The following OR8A1 variants were observed in gnomAD, a reference collection of about 807,000 sequenced individuals.
OR8A1 encodes the protein olfactory receptor family 8 subfamily A member 1.
In OR8A1, 5 loss-of-function variants were observed where a neutral mutation model predicts 13.4. The observed-to-expected ratio is 0.37, with a 90% CI of 0.19 to 0.78. The LOEUF (loss-of-function observed/expected upper bound fraction) is 0.78. Among genes scored for constraint, OR8A1 ranks in the 30% least tolerant of loss-of-function variants. The probability of loss-of-function intolerance (pLI) is 0.47; values close to 1 mark genes in which losing one functional copy is unlikely to be tolerated. For synonymous variants in OR8A1, 156 were observed against 150.4 expected (o/e 1.04, Z -0.27); for missense variants, 354 against 374.8 (o/e 0.94, Z 0.46).
rs1337189379 is a variant in OR8A1, at chr11:124,570,603, C to G, written c.484C>G (p.Leu162Val). ...CATTGGCTCCACAATAGAAACTGGC[C>G]TCATGTTAAAACTGCCCTATTGTGA... is the stretch of plus-strand genomic sequence containing the variant. ...GLIGSTIETG[L>V]MLKLPYCEHL... The change falls in exon 1 of 1, where the codon CTC (leucine) becomes GTC (valine). Residue 162 changes from leucine to valine, a missense_variant. Coordinates refer to ENST00000284287, the MANE Select transcript of OR8A1 (RefSeq NM_001005194.2). The G allele has an allele frequency of 6.2e-7, 1 of 1,614,084 alleles. No homozygotes were observed. The highest frequency in any genetic ancestry group is 8.5e-7 in the Non-Finnish European group (1 of 1,180,016).
chr11:124,570,248 G>C lies in OR8A1; in HGVS notation c.129G>C (p.Leu43=). The part of the protein sequence containing the change: ...GIYLVTIVGN[L]GMITLICLNS... The stretch of plus-strand genomic sequence containing the variant: ...ACTTGGTCACCATCGTGGGGAACCT[G>C]GGCATGATCACTCTAATTTGTCTGA... Residue 43 remains leucine (L), a synonymous_variant, in exon 1 of 1, where the codon CTG becomes CTC. Transcript: ENST00000284287. 4 of 1,613,950 alleles carry C rather than the reference G, an allele frequency of 2.5e-6. No homozygotes were observed. Among genetic ancestry groups the C allele is most frequent in the Non-Finnish European group, 3.4e-6 (4 of 1,179,972 alleles).
Position 124,570,299 on chromosome 11 carries a change from C to T in OR8A1, c.180C>T (p.Tyr60=), listed in dbSNP as rs1346433558. 1.2e-6 allele frequency: 2 copies of T among 1,614,110 alleles called. No homozygotes were observed. Among genetic ancestry groups the T allele is most frequent in the Admixed American group, 1.7e-5 (1 of 60,004 alleles). The change falls in exon 1 of 1, where the codon TAC becomes TAT. Residue 60 remains tyrosine, a synonymous_variant. Coordinates refer to ENST00000284287, the MANE Select transcript of OR8A1 (RefSeq NM_001005194.2). ...CLNSQLHTPM[Y]YFLSNLSLMD... ...ACTCTCAGCTGCACACCCCCATGTA[C>T]TACTTTCTCAGCAATCTGTCACTCA... is the stretch of plus-strand genomic sequence containing the variant.
chr11:124,570,787 G>A lies in OR8A1; in HGVS notation c.668G>A (p.Ser223Asn), dbSNP rs1862672488. ...VLVSYTFILSSILGISTTEGR... is the reference protein window; with the variant it reads ...VLVSYTFILSNILGISTTEGR... ...GTTTCTTACACCTTCATTCTCTCCAGCATCCTCGGCATCAGCACCACAGAG... is the reference window on the plus strand; with the variant it reads ...GTTTCTTACACCTTCATTCTCTCCAACATCCTCGGCATCAGCACCACAGAG... Residue 223 changes from serine (S) to asparagine (N), a missense_variant, in exon 1 of 1, where the codon AGC (serine) becomes AAC (asparagine). Ser to Asn is a conservative substitution (Grantham distance 46). Transcript: ENST00000284287. 1 of 1,613,912 alleles carries A rather than the reference G, an allele frequency of 6.2e-7. No individual in the cohort carries two copies.
rs1862678050 is a variant in OR8A1, at chr11:124,570,972, A to G, written c.853A>G (p.Asn285Asp). The G allele has an allele frequency of 6.2e-7, 1 of 1,614,060 alleles. No homozygotes were observed. The highest frequency in any genetic ancestry group is 1.3e-5 in the African/African-American group (1 of 75,026). The change falls in exon 1 of 1, where the codon AAT (asparagine) becomes GAT (aspartate). Residue 285 changes from asparagine (N) to aspartate (D), a missense_variant. Physicochemically the swap from Asn to Asp is conservative, Grantham distance 23. Transcript: ENST00000284287. Reference sequence around the variant, plus strand: ...CTACACCACGGTAATCCCCATGTTGAATCCCCTAATCTACAGCCTGAGGAA... The same window carrying G: ...CTACACCACGGTAATCCCCATGTTGGATCCCCTAATCTACAGCCTGAGGAA... ...VFYTTVIPML[N>D]PLIYSLRNKE...
At position 124,570,215 on chromosome 11, in the gene OR8A1, C is replaced by G. The variant is rs775487953; in HGVS notation, c.96C>G (p.Leu32=). The change falls in exon 1 of 1, where the codon CTC becomes CTG. Residue 32 remains leucine, a synonymous_variant. Transcript: ENST00000284287. ...DLQLPLFLLF[L]GIYLVTIVGN... The stretch of plus-strand genomic sequence containing the variant: ...AGCTCCCCCTCTTTCTCCTCTTCCT[C>G]GGGATCTACTTGGTCACCATCGTGG... The G allele has an allele frequency of 2.5e-6, 4 of 1,614,048 alleles. No individual in the cohort carries two copies. The highest frequency in any genetic ancestry group is 3.4e-6 in the Non-Finnish European group (4 of 1,179,998).
Position 124,571,016 on chromosome 11 carries a change from C to G in OR8A1, c.897C>G (p.Ala299=). ...TGAGGAACAAGGAAGTAAAGGCTGC[C>G]GTGCAGAAAACGCTGAGGGGTAAAC... ...YSLRNKEVKA[A]VQKTLRGKLF Residue 299 remains alanine (A), a synonymous_variant, in exon 1 of 1, where the codon GCC becomes GCG. Transcript: ENST00000284287. The G allele has an allele frequency of 1.9e-6, 3 of 1,613,168 alleles. No homozygotes were observed. Among genetic ancestry groups the G allele is most frequent in the Non-Finnish European group, 2.5e-6 (3 of 1,179,614 alleles).
At position 124,570,804 on chromosome 11, in the gene OR8A1, A is replaced by C; in HGVS notation, c.685A>C (p.Thr229Pro). Reference sequence around the variant, plus strand: ...TCTCTCCAGCATCCTCGGCATCAGCACCACAGAGGGGAGATCCAAAGCCTT... The same window carrying C: ...TCTCTCCAGCATCCTCGGCATCAGCCCCACAGAGGGGAGATCCAAAGCCTT... Reference protein sequence around the residue: ...FILSSILGISTTEGRSKAFST... With the variant: ...FILSSILGISPTEGRSKAFST... The change falls in exon 1 of 1, where the codon ACC (threonine) becomes CCC (proline). Residue 229 changes from threonine (T) to proline (P), a missense_variant. Physicochemically the swap from Thr to Pro is conservative, Grantham distance 38. Coordinates refer to ENST00000284287, the MANE Select transcript of OR8A1 (RefSeq NM_001005194.2). 6.2e-7 allele frequency: 1 copy of C among 1,614,084 alleles called. No homozygotes were observed. Among genetic ancestry groups the C allele is most frequent in the South Asian group, 1.1e-5 (1 of 91,070 alleles).
chr11:124,570,658 T>A lies in OR8A1; in HGVS notation c.539T>A (p.Ile180Asn), dbSNP rs1178562085. Residue 180 changes from isoleucine to asparagine, a missense_variant, in exon 1 of 1, where the codon ATC becomes AAC. Transcript: ENST00000284287. ...CTCATCAGTCACTACTTCTGTGACA[T>A]CCTCCCTCTCATGAAGCTGTCCTGC... ...EHLISHYFCDILPLMKLSCSS... is the reference protein window; with the variant it reads ...EHLISHYFCDNLPLMKLSCSS... The A allele has an allele frequency of 6.2e-7, 1 of 1,614,120 alleles. No homozygotes were observed.
At position 124,570,923 on chromosome 11, in the gene OR8A1, C is replaced by T. The variant is rs142548119; in HGVS notation, c.804C>T (p.Thr268=). 1 of 1,614,012 alleles carries T rather than the reference C, an allele frequency of 6.2e-7. No homozygotes were observed. Among genetic ancestry groups the T allele is most frequent in the South Asian group, 1.1e-5 (1 of 91,076 alleles). ...AACCCTCCACAATCAGTTCCTTGAC[C>T]CAGGAGAATGTGGCCTCTGTGTTCT... ...YLKPSTISSL[T]QENVASVFYT... The change falls in exon 1 of 1, where the codon ACC becomes ACT. Residue 268 remains threonine, a synonymous_variant. Transcript: ENST00000284287.
Position 124,570,277 on chromosome 11 carries a change from C to G in OR8A1, c.158C>G (p.Ser53Cys). Reference protein sequence around the residue: ...LGMITLICLNSQLHTPMYYFL... With the variant: ...LGMITLICLNCQLHTPMYYFL... ...ATGATCACTCTAATTTGTCTGAACT[C>G]TCAGCTGCACACCCCCATGTACTAC... is the stretch of plus-strand genomic sequence containing the variant. Residue 53 changes from serine (S) to cysteine (C), a missense_variant, in exon 1 of 1, where the codon TCT becomes TGT. Physicochemically the swap from Ser to Cys is moderately radical, Grantham distance 112. Coordinates refer to ENST00000284287, the MANE Select transcript of OR8A1 (RefSeq NM_001005194.2). 6.2e-7 allele frequency: 1 copy of G among 1,614,072 alleles called. No homozygotes were observed.
In OR8A1 at chr11:124,570,807, A is replaced by C; in HGVS notation, c.688A>C (p.Thr230Pro). Reference sequence around the variant, plus strand: ...CTCCAGCATCCTCGGCATCAGCACCACAGAGGGGAGATCCAAAGCCTTCAG... The same window carrying C: ...CTCCAGCATCCTCGGCATCAGCACCCCAGAGGGGAGATCCAAAGCCTTCAG... ...ILSSILGIST[T>P]EGRSKAFSTC... is the part of the protein sequence containing the mutation. The change falls in exon 1 of 1, where the codon ACA becomes CCA. Residue 230 changes from threonine (T) to proline (P), a missense_variant. By Grantham distance (38) the Thr-to-Pro change is conservative. Coordinates refer to ENST00000284287, the MANE Select transcript of OR8A1 (RefSeq NM_001005194.2). 6.2e-7 allele frequency: 1 copy of C among 1,614,110 alleles called. No homozygotes were observed. Among genetic ancestry groups the C allele is most frequent in the Non-Finnish European group, 8.5e-7 (1 of 1,180,012 alleles).
rs1024594910 is a variant in OR8A1, at chr11:124,570,144, G to C, written c.25G>C (p.Val9Leu). 3 of 1,613,944 alleles carry C rather than the reference G, an allele frequency of 1.9e-6. No individual in the cohort carries two copies. The highest frequency in any genetic ancestry group is 1.7e-6 in the Non-Finnish European group (2 of 1,179,934). ...AATGGCTGCAGGAAATCACTCTACA[G>C]TGACAGAGTTCATTCTCAAGGGTTT... is the stretch of plus-strand genomic sequence containing the variant. Reference protein sequence around the residue: MAAGNHSTVTEFILKGLTK... With the variant: MAAGNHSTLTEFILKGLTK... The change falls in exon 1 of 1, where the codon GTG becomes CTG. Residue 9 changes from valine (V) to leucine (L), a missense_variant. Val to Leu is a conservative substitution (Grantham distance 32). Transcript: ENST00000284287.
Position 124,570,480 on chromosome 11 carries a change from G to A in OR8A1, c.361G>A (p.Asp121Asn), listed in dbSNP as rs1862665141. The change falls in exon 1 of 1, where the codon GAC (aspartate) becomes AAC (asparagine). Residue 121 changes from aspartate to asparagine, a missense_variant. Transcript: ENST00000284287. ...TTACATGCTGACAGTGATGGCCTACGACCGCTATGTTGCCATCTGCCACCC... is the reference window on the plus strand; with the variant it reads ...TTACATGCTGACAGTGATGGCCTACAACCGCTATGTTGCCATCTGCCACCC... ...ECYMLTVMAYDRYVAICHPLL... is the reference protein window; with the variant it reads ...ECYMLTVMAYNRYVAICHPLL... 5 of 1,613,948 alleles carry A rather than the reference G, an allele frequency of 3.1e-6. No individual in the cohort carries two copies. Among genetic ancestry groups the A allele is most frequent in the African/African-American group, 2.7e-5 (2 of 74,992 alleles).
At position 124,570,757 on chromosome 11, in the gene OR8A1, T is replaced by C; in HGVS notation, c.638T>C (p.Val213Ala). ...GFNIIVTSLTVLVSYTFILSS... is the reference protein window; with the variant it reads ...GFNIIVTSLTALVSYTFILSS... ...AACATCATAGTCACGAGCTTAACAG[T>C]TCTTGTTTCTTACACCTTCATTCTC... The change falls in exon 1 of 1, where the codon GTT becomes GCT. Residue 213 changes from valine (V) to alanine (A), a missense_variant. By Grantham distance (64) the Val-to-Ala change is moderately conservative. Coordinates refer to ENST00000284287, the MANE Select transcript of OR8A1 (RefSeq NM_001005194.2). The C allele has an allele frequency of 6.2e-7, 1 of 1,614,106 alleles. No homozygotes were observed. Among genetic ancestry groups the C allele is most frequent in the Non-Finnish European group, 8.5e-7 (1 of 1,180,018 alleles).
rs141835805 is a variant in OR8A1 at position 124,570,217 on chromosome 11, G to T, written c.98G>T (p.Gly33Val). The stretch of plus-strand genomic sequence containing the variant: ...CTCCCCCTCTTTCTCCTCTTCCTCG[G>T]GATCTACTTGGTCACCATCGTGGGG... ...LQLPLFLLFL[G>V]IYLVTIVGNL... The change falls in exon 1 of 1, where the codon GGG (glycine) becomes GTG (valine). Residue 33 changes from glycine to valine, a missense_variant. Physicochemically the swap from Gly to Val is moderately radical, Grantham distance 109. Coordinates refer to ENST00000284287, the MANE Select transcript of OR8A1 (RefSeq NM_001005194.2). 45 of 1,613,778 alleles carry T rather than the reference G, an allele frequency of 2.8e-5. No individual in the cohort carries two copies. Among genetic ancestry groups the T allele is most frequent in the Non-Finnish European group, 3.7e-5 (44 of 1,179,994 alleles).
chr11:124,570,439 T>C lies in OR8A1; in HGVS notation c.320T>C (p.Phe107Ser), dbSNP rs1422544467. ...TCACAGCTCTACTTCTTCCTTGTTTTTGTCATTGCTGAGTGTTACATGCTG... is the reference window on the plus strand; with the variant it reads ...TCACAGCTCTACTTCTTCCTTGTTTCTGTCATTGCTGAGTGTTACATGCTG... ...CMSQLYFFLV[F>S]VIAECYMLTV... Residue 107 changes from phenylalanine to serine, a missense_variant, in exon 1 of 1, where the codon TTT (phenylalanine) becomes TCT (serine). Phe to Ser is a radical substitution (Grantham distance 155). Transcript: ENST00000284287. 1.9e-6 allele frequency: 3 copies of C among 1,614,128 alleles called. No homozygotes were observed. Among genetic ancestry groups the C allele is most frequent in the Non-Finnish European group, 2.5e-6 (3 of 1,180,006 alleles).
Position 124,570,892 on chromosome 11 carries a change from A to T in OR8A1, c.773A>T (p.Tyr258Phe). 1.2e-6 allele frequency: 2 copies of T among 1,614,122 alleles called. No individual in the cohort carries two copies. Among genetic ancestry groups the T allele is most frequent in the Non-Finnish European group, 1.7e-6 (2 of 1,179,996 alleles). The change falls in exon 1 of 1, where the codon TAC becomes TTC. Residue 258 changes from tyrosine (Y) to phenylalanine (F), a missense_variant. Transcript: ENST00000284287. ...GMFYGSTAFM[Y>F]LKPSTISSLT... ...TTCTATGGATCAACTGCATTCATGT[A>T]CTTAAAACCCTCCACAATCAGTTCC...
In OR8A1 at chr11:124,570,519, A is replaced by T; in HGVS notation, c.400A>T (p.Ile134Phe). 1.2e-6 allele frequency: 2 copies of T among 1,613,992 alleles called. No individual in the cohort carries two copies. The highest frequency in any genetic ancestry group is 8.5e-7 in the Non-Finnish European group (1 of 1,179,988). The change falls in exon 1 of 1, where the codon ATC becomes TTC. Residue 134 changes from isoleucine (I) to phenylalanine (F), a missense_variant. By Grantham distance (21) the Ile-to-Phe change is conservative (BLOSUM62 0). Transcript: ENST00000284287. The stretch of plus-strand genomic sequence containing the variant: ...CATCTGCCACCCTTTGCTTTACAAC[A>T]TCATTATGTCTCATCACACCTGCCT... ...VAICHPLLYN[I>F]IMSHHTCLLL... is the part of the protein sequence containing the mutation.
rs141748167 is a variant in OR8A1, at chr11:124,570,694, A to G, written c.575A>G (p.Tyr192Cys). The G allele has an allele frequency of 6.8e-5, 109 of 1,613,972 alleles. No homozygotes were observed. The highest frequency in any genetic ancestry group is 4.9e-4 in the Middle Eastern group (3 of 6,082). The change falls in exon 1 of 1, where the codon TAT becomes TGT. Residue 192 changes from tyrosine to cysteine, a missense_variant. By Grantham distance (194) the Tyr-to-Cys change is radical. Coordinates refer to ENST00000284287, the MANE Select transcript of OR8A1 (RefSeq NM_001005194.2). ...PLMKLSCSSTYDVEMTVFFSA... is the reference protein window; with the variant it reads ...PLMKLSCSSTCDVEMTVFFSA... Reference sequence around the variant, plus strand: ...ATGAAGCTGTCCTGCTCTAGCACCTATGATGTTGAGATGACAGTCTTCTTT... The same window carrying G: ...ATGAAGCTGTCCTGCTCTAGCACCTGTGATGTTGAGATGACAGTCTTCTTT...
Sources: gnomAD v4.1 joint callset for allele counts on GRCh38, gnomAD v4.1.1 for gene constraint, MANE v1.5 for transcripts, NCBI Gene and HGNC (gene_info 2026-07-23, HGNC 2026-07-21) for gene names.